Variants in CA5A observed in about 807,000 individuals in gnomAD.
The protein encoded by CA5A is carbonic anhydrase 5A, also known as carbonic anhydrase 5A, mitochondrial.
In CA5A, 28 loss-of-function variants were observed where a neutral mutation model predicts 37.1. The ratio of observed to expected loss-of-function variants is 0.75; its 90% CI spans 0.56 to 1.03. The LOEUF is 1.03. CA5A is among the 50% of genes least tolerant of loss of function. The probability of loss-of-function intolerance (pLI) is 0.00; values close to 1 mark genes in which losing one functional copy is unlikely to be tolerated. For missense variants in CA5A, 444 were observed against 399.9 expected (o/e 1.11, Z -0.94); for synonymous variants, 171 against 158.4 (o/e 1.08, Z -0.60).
In CA5A at chr16:87,926,753, G is replaced by A; in HGVS notation, c.335C>T (p.Ala112Val). Residue 112 changes from alanine (A) to valine (V), a missense_variant, in exon 2 of 7, where the codon GCA (alanine) becomes GTA (valine). Transcript: ENST00000649794. ...GAGCCCCAGCTGGCACTCACCTGAT[G>A]CCTCGGTGGCATCGTCAAATTCCAC... is the stretch of plus-strand genomic sequence containing the variant. ...FQVEFDDATEASGISGGPLEN... is the reference protein window; with the variant it reads ...FQVEFDDATEVSGISGGPLEN... The A allele has an allele frequency of 6.2e-7, 1 of 1,613,006 alleles. No homozygotes were observed. The highest frequency in any genetic ancestry group is 1.1e-5 in the South Asian group (1 of 90,932).
At chr16:87,936,235 C>G in intron 1 of CA5A, 74 bp downstream of exon 1, 1 of 1,045,076 alleles carries the variant, frequency 9.6e-7, no homozygotes, top group Non-Finnish European at 1.5e-6. Flanking sequence ...GGTCTCTCCT[C>G]TCTCCTCTCG....
chr16:87,902,691 G>C (rs1398638593), intron 3 of CA5A, among the ~76,000 whole-genome samples, 171 bp from the exon 4 acceptor site: 2 of 151,884 alleles, frequency 1.3e-5, no homozygotes, highest in Non-Finnish European at 2.9e-5. Context: ...TGGATCACGA[G>C]GTCAGGAGAT....
intron 5 of CA5A, among the ~76,000 whole-genome samples, chr16:87,898,284 G>A (rs1337797344): frequency 6.6e-6 from 1 of 152,212 alleles, no homozygotes; most frequent in Non-Finnish European, 1.5e-5. Flanking sequence ...AGGTGAGCCC[G>A]TCCCTGGGTG....
intron 6 of CA5A, 91 bp downstream of exon 6, chr16:87,891,708 C>T: frequency 4.4e-6 from 5 of 1,144,850 alleles, no homozygotes; most frequent in Non-Finnish European, 5.9e-6. Flanking sequence ...TATAACTCCA[C>T]AACGCTCTCA....
intron 1 of CA5A, among the ~76,000 whole-genome samples, chr16:87,932,676 G>C (rs1277461262): frequency 1.3e-5 from 2 of 151,898 alleles, no homozygotes; most frequent in African/African-American, 4.8e-5. Context: ...CCAGGTGCAG[G>C]GGACATGGAA....
downstream of CA5A, chr16:87,887,264 C>G (rs1281018350): frequency 6.6e-6 from 1 of 151,772 alleles, no homozygotes; most frequent in South Asian, 2.1e-4. Context: ...TTTTATCCTG[C>G]CAGATTATTT....
At chr16:87,923,533 TAGG>T (rs1447020501) in intron 2 of CA5A, 1 of 984,894 alleles carries the variant, frequency 1.0e-6, no homozygotes, top group Non-Finnish European at 1.2e-6. Context: ...TTCCTCCTTC[TAGG>T]AGTAGTATCA....
At chr16:87,929,123 T>C (rs897521074) in intron 1 of CA5A, among the ~76,000 whole-genome samples, 10 of 148,832 alleles carry the variant, frequency 6.7e-5, no homozygotes, top group South Asian at 2.2e-4. Flanking sequence ...GGTCAAAGGG[T>C]GCATCCAACA....
chr16:87,914,457 C>A (rs1020693024), intron 2 of CA5A, among the ~76,000 whole-genome samples: 1 of 152,216 alleles, frequency 6.6e-6, no homozygotes, highest in Non-Finnish European at 1.5e-5. Flanking sequence ...CCCAGCCCCA[C>A]GAGCTTGCAG....
At chr16:87,884,856 G>A (rs1401792033), downstream of CA5A, 1 of 152,126 alleles carries the variant, frequency 6.6e-6, no homozygotes, top group African/African-American at 2.4e-5. Flanking sequence ...CTGATCAGGT[G>A]CAACCATTGC....
At chr16:87,934,425 G>C (rs149342835) in intron 1 of CA5A, among the ~76,000 whole-genome samples, 1 of 152,182 alleles carries the variant, frequency 6.6e-6, no homozygotes, top group Non-Finnish European at 1.5e-5. Context: ...AAAATTAGCC[G>C]GATGTGGTGG....
chr16:87,933,072 G>T (rs2056429496), intron 1 of CA5A, among the ~76,000 whole-genome samples: 2 of 152,232 alleles, frequency 1.3e-5, no homozygotes, highest in African/African-American at 2.4e-5. Flanking sequence ...CCAGAGTGGG[G>T]AGCCCAGCCC....
intron 2 of CA5A, among the ~76,000 whole-genome samples, chr16:87,917,974 C>T (rs1279829497): frequency 6.6e-6 from 1 of 152,230 alleles, no homozygotes; most frequent in South Asian, 2.1e-4. Context: ...TTGAACCGCA[C>T]AGCCACAGTC....
At chr16:87,891,006 C>A (rs953120434) in intron 6 of CA5A, among the ~76,000 whole-genome samples, 2 of 151,892 alleles carry the variant, frequency 1.3e-5, no homozygotes, top group African/African-American at 4.8e-5. Flanking sequence ...GTTGGTCAGG[C>A]TGGTCTCGAA....
downstream of CA5A, chr16:87,883,771 G>GGATT (rs2055627268): frequency 1.3e-5 from 2 of 151,774 alleles, no homozygotes; most frequent in Non-Finnish European, 2.9e-5. Flanking sequence ...CAAGTAGCTG[G>GGATT]GATTACAGGT....
rs147648197 is a variant in CA5A, at chr16:87,921,089, G to A, written c.340+5659C>T. On this transcript the variant is annotated intron_variant, in intron 2 of 6. Transcript: ENST00000649794. ...ATTACAGGCGTGAGCCACTGCACCC[G>A]GCCAATTTTTGTATTTTTTAGTAGA... Among the ~76,000 whole-genome samples the A allele has an allele frequency of 5.4e-3, 818 of 152,096 alleles. 6 individuals carry two copies. The highest frequency in any genetic ancestry group is 0.019 in the African/African-American group (774 of 41,506).
rs553339057 is a variant in CA5A at position 87,898,689 on chromosome 16, C to T, written c.618+3223G>A. Among the ~76,000 whole-genome samples the T allele has an allele frequency of 5.3e-5, 8 of 151,560 alleles. No homozygotes were observed. The South Asian group carries it at 1.5e-3, about 28-fold the overall frequency. On this transcript the variant is annotated intron_variant, in intron 5 of 6. Coordinates refer to ENST00000649794, the MANE Select transcript of CA5A (RefSeq NM_001739.2). ...CATTTCACCAAGAACCAGACATGCTCCTTATTCCATTACATGGTGAGAATG... is the reference window on the plus strand; with the variant it reads ...CATTTCACCAAGAACCAGACATGCTTCTTATTCCATTACATGGTGAGAATG...
downstream of CA5A, chr16:87,886,612 G>C (rs1212024306): frequency 1.3e-5 from 2 of 152,182 alleles, no homozygotes. Flanking sequence ...AGCACTTTGG[G>C]AGGTCAAGGC....
intron 5 of CA5A, among the ~76,000 whole-genome samples, chr16:87,894,644 C>T (rs888767569): frequency 2.4e-4 from 37 of 151,644 alleles, no homozygotes; most frequent in African/African-American, 9.0e-4. Flanking sequence ...TTTGGGAGGC[C>T]AAGGCAGGCA....
Sources: allele counts gnomAD v4.1 joint callset (sites outside exome capture counted in the v4.1 genomes callset), GRCh38; gene constraint gnomAD v4.1.1; transcripts MANE v1.5; gene names NCBI Gene and HGNC (gene_info 2026-07-23, HGNC 2026-07-21).